Variants in TENM3 observed in about 807,000 individuals in gnomAD.
TENM3 encodes the protein teneurin transmembrane protein 3.
TENM3 carries 63 observed loss-of-function variants against 255.1 expected under a neutral mutation model. The ratio of observed to expected loss-of-function variants is 0.25; its 90% CI spans 0.20 to 0.30. The LOEUF is 0.30. Among genes scored for constraint, TENM3 ranks in the 10% least tolerant of loss-of-function variants. The pLI, the probability that TENM3 is intolerant of heterozygous loss-of-function variation, is 1.00. For missense variants in TENM3, 2,929 were observed against 3,461.1 expected (o/e 0.85, Z 3.86); for synonymous variants, 1,306 against 1,322.3 (o/e 0.99, Z 0.27).
Position 182,800,183 on chromosome 4 carries a change from G to A in TENM3, c.7932G>A (p.Glu2644=), listed in dbSNP as rs774086823. ...AGCAGCAGCGCGTGCGCGACGGCGAGGAGGGCGCGCGCCTCTGGACGGAGG... is the reference window on the plus strand; with the variant it reads ...AGCAGCAGCGCGTGCGCGACGGCGAAGAGGGCGCGCGCCTCTGGACGGAGG... The part of the protein sequence containing the change: ...AREQQRVRDG[E]EGARLWTEGE... Residue 2644 remains glutamate, a synonymous_variant, in exon 28 of 28, where the codon GAG becomes GAA. Transcript: ENST00000511685. 1.3e-6 allele frequency: 2 copies of A among 1,538,180 alleles called. No individual in the cohort carries two copies. Among genetic ancestry groups the A allele is most frequent in the African/African-American group, 1.4e-5 (1 of 70,538 alleles).
Position 182,693,077 on chromosome 4 carries a change from C to A in TENM3, c.2221+4726C>A, listed in dbSNP as rs903685232. ...TATGGCATTGAAACATAGTGAGAAA[C>A]CATCTTCACTTTTTCAGATCATTTG... is the stretch of plus-strand genomic sequence containing the variant. On this transcript the variant is annotated intron_variant, in intron 12 of 27. Transcript: ENST00000511685. Among the ~76,000 whole-genome samples the A allele has an allele frequency of 2.0e-5, 3 of 152,142 alleles. No individual in the cohort carries two copies. In the South Asian group the frequency reaches 6.2e-4, roughly 32 times the overall value.
the TENM3 span, among the ~76,000 whole-genome samples, chr4:181,678,728 T>G: frequency 6.6e-6 from 1 of 151,940 alleles, no homozygotes; most frequent in Non-Finnish European, 1.5e-5. Flanking sequence ...TATATACTTT[T>G]GCTTAAAAAA....
intron 3 of TENM3, among the ~76,000 whole-genome samples, chr4:182,379,232 C>T (rs1437893489): frequency 6.6e-6 from 1 of 152,130 alleles, no homozygotes; most frequent in Non-Finnish European, 1.5e-5. Flanking sequence ...TAGTGGGCTC[C>T]TGTAATCCCA....
rs1765905636 is a variant in TENM3, at chr4:182,789,152, C to A, written c.5364C>A (p.Ile1788=). 1.2e-6 allele frequency: 2 copies of A among 1,612,462 alleles called. No homozygotes were observed. Among genetic ancestry groups the A allele is most frequent in the African/African-American group, 2.7e-5 (2 of 74,884 alleles). Reference sequence around the variant, plus strand: ...ATCGAACAACAAAGACAGAAAAGATCTATGACGACCACCGTAAATTTCTAC... The same window carrying A: ...ATCGAACAACAAAGACAGAAAAGATATATGACGACCACCGTAAATTTCTAC... ...DFDRTTKTEK[I]YDDHRKFLLR... Residue 1788 remains isoleucine (I), a synonymous_variant, in exon 25 of 28, where the codon ATC becomes ATA. Transcript: ENST00000511685. The surrounding 1 kb of genome is among the most constrained non-coding windows in gnomAD (Gnocchi z 4.4).
At chr4:182,413,393 G>A (rs1770146848) in intron 3 of TENM3, among the ~76,000 whole-genome samples, 1 of 152,110 alleles carries the variant, frequency 6.6e-6, no homozygotes, top group African/African-American at 2.4e-5. Context: ...GAAGCAGGTG[G>A]ATCACATAAC....
Position 182,799,431 on chromosome 4 carries a change from G to A in TENM3, c.7345-165G>A, listed in dbSNP as rs1305035779. On this transcript the variant is annotated intron_variant, in intron 27 of 27. Transcript: ENST00000511685. The surrounding 1 kb of genome is among the most constrained non-coding windows in gnomAD (Gnocchi z 4.2). ...CATCGGGATCACCTTGAGGGGGAGG[G>A]ATCTCGAGTGCTCCCTCCACCCGGG... Among the ~76,000 whole-genome samples, 1 of 152,036 alleles carries A rather than the reference G, an allele frequency of 6.6e-6. No homozygotes were observed. Among genetic ancestry groups the A allele is most frequent in the African/African-American group, 2.4e-5 (1 of 41,420 alleles).
the TENM3 span, among the ~76,000 whole-genome samples, chr4:181,791,011 A>G: frequency 6.6e-6 from 1 of 152,212 alleles, no homozygotes; most frequent in South Asian, 2.1e-4. Flanking sequence ...ATTACGGGCC[A>G]TATGATGAAT....
chr4:181,686,148 A>G, the TENM3 span, among the ~76,000 whole-genome samples: 280 of 152,206 alleles, frequency 1.8e-3, no homozygotes, highest in African/African-American at 6.3e-3. Flanking sequence ...TACAACATCT[A>G]CAGTTTAGAA....
At chr4:182,249,880 A>G (rs1757884022) in intron 1 of TENM3, among the ~76,000 whole-genome samples, 2 of 151,796 alleles carry the variant, frequency 1.3e-5, no homozygotes, top group African/African-American at 4.8e-5. Flanking sequence ...TCCTCCACCC[A>G]GCCTCCCGAG....
At chr4:181,725,694 G>A in the TENM3 span, among the ~76,000 whole-genome samples, 2 of 151,770 alleles carry the variant, frequency 1.3e-5, no homozygotes, top group East Asian at 1.9e-4. Context: ...CACCCATCTC[G>A]GCCTCTCAAA....
At chr4:182,513,080 T>C (rs79236150) in intron 3 of TENM3, among the ~76,000 whole-genome samples, 6,000 of 152,270 alleles carry the variant, frequency 0.039, 227 homozygotes, top group East Asian at 0.11. Flanking sequence ...GAATAATCCA[T>C]GGGAAGGAAG....
chr4:182,659,176 C>A lies in TENM3; in HGVS notation c.1111+5283C>A, dbSNP rs549635955. ...TGGCCATCTTTGGAAAATACAATTG[C>A]CAAGCCATCTTTCTTTCCAAATTTG... On this transcript the variant is annotated intron_variant, in intron 6 of 27. Coordinates refer to ENST00000511685, the MANE Select transcript of TENM3 (RefSeq NM_001080477.4). Among the ~76,000 whole-genome samples the A allele has an allele frequency of 8.5e-4, 130 of 152,212 alleles. 1 individual carries two copies. Among genetic ancestry groups the A allele is most frequent in the Non-Finnish European group, 1.5e-3 (101 of 68,008 alleles).
At chr4:181,734,923 T>C in the TENM3 span, among the ~76,000 whole-genome samples, 9 of 152,240 alleles carry the variant, frequency 5.9e-5, no homozygotes, top group East Asian at 1.7e-3. Flanking sequence ...TTTGGAAATA[T>C]GGAATACTTG....
At chr4:181,522,658 C>T in the TENM3 span, 4 of 604,736 alleles carry the variant, frequency 6.6e-6, no homozygotes, top group South Asian at 4.7e-5. Flanking sequence ...GTTTTCAGAA[C>T]CAAAATGCAG....
At chr4:182,209,084 C>T (rs1223365707) in intron 1 of TENM3, among the ~76,000 whole-genome samples, 1 of 151,948 alleles carries the variant, frequency 6.6e-6, no homozygotes, top group Non-Finnish European at 1.5e-5. Context: ...TCTCCTGCCT[C>T]AGCCTCCCAG....
chr4:181,740,054 C>A, the TENM3 span, among the ~76,000 whole-genome samples: 5 of 152,144 alleles, frequency 3.3e-5, no homozygotes, highest in African/African-American at 1.2e-4. Flanking sequence ...ACCTAATCCC[C>A]AGCCTCAACC....
chr4:182,552,495 T>C (rs1742150001), intron 3 of TENM3, among the ~76,000 whole-genome samples: 1 of 152,222 alleles, frequency 6.6e-6, no homozygotes, highest in Non-Finnish European at 1.5e-5. Context: ...AGTTGAACCT[T>C]TATCTGAATT....
At chr4:182,346,995 CGG>C in intron 3 of TENM3, 66 bp downstream of exon 3, 1 of 845,776 alleles carries the variant, frequency 1.2e-6, no homozygotes, top group Non-Finnish European at 1.7e-6. Context: ...GTTGACTCCG[CGG>C]GGGGGGATGT....
chr4:181,922,159 A>C, the TENM3 span, among the ~76,000 whole-genome samples: 3 of 151,986 alleles, frequency 2.0e-5, no homozygotes, highest in East Asian at 1.9e-4. Flanking sequence ...AGGATTTTTG[A>C]ATCAATGTTC....
Sources: allele counts gnomAD v4.1 joint callset (sites outside exome capture counted in the v4.1 genomes callset), GRCh38; gene constraint gnomAD v4.1.1; non-coding constraint Gnocchi (gnomAD v3.1); transcripts MANE v1.5; gene names NCBI Gene and HGNC (gene_info 2026-07-23, HGNC 2026-07-21).